ADAM10: variants seen among roughly 807,000 people sequenced by gnomAD.
ADAM10 encodes ADAM metallopeptidase domain 10, also known as disintegrin and metalloproteinase domain-containing protein 10.
A neutral mutation model predicts 90.1 loss-of-function variants in ADAM10; 17 were observed. The ratio of observed to expected loss-of-function variants is 0.19; its 90% CI spans 0.13 to 0.28. The LOEUF (loss-of-function observed/expected upper bound fraction) is 0.28. ADAM10 is among the 10% of genes least tolerant of loss of function. The probability of loss-of-function intolerance (pLI) is 1.00; values close to 1 mark genes in which losing one functional copy is unlikely to be tolerated. For synonymous variants in ADAM10, 310 were observed against 298.6 expected, an observed-to-expected ratio of 1.04 and a Z score of -0.40; for missense variants, 610 against 914.3, an observed-to-expected ratio of 0.67 and a Z score of 4.29.
intron 11 of ADAM10, among the ~76,000 whole-genome samples, chr15:58,617,479 G>C (rs1460363667): frequency 1.3e-5 from 2 of 151,894 alleles, no homozygotes; most frequent in African/African-American, 4.8e-5. Flanking sequence ...GGTAAAATAA[G>C]TAAGAAAAAA....
At chr15:58,680,855 GT>G (rs1897413702) in intron 3 of ADAM10, among the ~76,000 whole-genome samples, 1 of 152,084 alleles carries the variant, frequency 6.6e-6, no homozygotes, top group African/African-American at 2.4e-5. Flanking sequence ...GCCCCTCTCT[GT>G]CCCCCAGGCT....
intron 4 of ADAM10, chr15:58,676,184 T>G: frequency 2.4e-6 from 1 of 416,028 alleles, no homozygotes. Context: ...GTAAAGGCAG[T>G]GAGAATTTAC....
chr15:58,654,090 C>CT (rs1194970388), intron 5 of ADAM10, among the ~76,000 whole-genome samples: 30 of 148,360 alleles, frequency 2.0e-4, no homozygotes, highest in South Asian at 6.4e-4. Flanking sequence ...TTATTTAGGT[C>CT]TTTTTTTTTT....
intron 1 of ADAM10, among the ~76,000 whole-genome samples, chr15:58,722,296 C>T (rs139540516): frequency 6.6e-6 from 1 of 151,798 alleles, no homozygotes; most frequent in African/African-American, 2.4e-5. Context: ...GAGCCAAGAT[C>T]GCACCACTGC....
At chr15:58,674,542 C>A (rs1430984095) in intron 4 of ADAM10, among the ~76,000 whole-genome samples, 1 of 152,200 alleles carries the variant, frequency 6.6e-6, no homozygotes, top group Non-Finnish European at 1.5e-5. Context: ...ATGATACAAA[C>A]AATGCTAGCT....
At chr15:58,720,694 C>T (rs2140821253) in intron 1 of ADAM10, among the ~76,000 whole-genome samples, 1 of 152,270 alleles carries the variant, frequency 6.6e-6, no homozygotes, top group East Asian at 1.9e-4. Flanking sequence ...AGCCACCACG[C>T]CCGGCCTAGC....
At chr15:58,684,303 G>A (rs1897527807) in intron 2 of ADAM10, among the ~76,000 whole-genome samples, 1 of 152,164 alleles carries the variant, frequency 6.6e-6, no homozygotes, top group Non-Finnish European at 1.5e-5. Context: ...CTCAGTGATA[G>A]GTGTCTCTTC....
chr15:58,736,738 T>C (rs1229687847), intron 1 of ADAM10, among the ~76,000 whole-genome samples: 3 of 151,988 alleles, frequency 2.0e-5, no homozygotes, highest in African/African-American at 7.2e-5. Context: ...TTTTCAAGAA[T>C]TAAAAAAAGA....
At position 58,595,715 on chromosome 15, in the gene ADAM10, C is replaced by T. The variant is rs1485692305; in HGVS notation, c.*1832G>A. On this transcript the variant is annotated 3_prime_UTR_variant, in exon 16 of 16. Coordinates refer to ENST00000260408, the MANE Select transcript of ADAM10 (RefSeq NM_001110.4). ...TCCTACCACAGGATAACATTACAAG[C>T]AAAAAATTTACATGTTCCAAAGTCT... The T allele has an allele frequency of 2.0e-5, 3 of 151,974 alleles. No homozygotes were observed. Among genetic ancestry groups the T allele is most frequent in the Admixed American group, 2.0e-4 (3 of 15,262 alleles). The allele number at this position is 151,974 out of a possible 1,614,324, so 9.4% of individuals were successfully genotyped here. A position where few individuals can be genotyped will look rare whatever the true frequency, so the allele number is the denominator to read the frequency against.
chr15:58,734,804 A>G (rs1392208960), intron 1 of ADAM10, among the ~76,000 whole-genome samples: 1 of 152,200 alleles, frequency 6.6e-6, no homozygotes, highest in Admixed American at 6.5e-5. Flanking sequence ...AAGATGGGGA[A>G]AACAAGCAAT....
chr15:58,656,857 A>G (rs1205642263), intron 5 of ADAM10, among the ~76,000 whole-genome samples: 2 of 152,152 alleles, frequency 1.3e-5, no homozygotes, highest in Non-Finnish European at 2.9e-5. Flanking sequence ...AACTCTATTT[A>G]GCACTTCTTG....
chr15:58,638,508 G>A (rs185723080), intron 8 of ADAM10, among the ~76,000 whole-genome samples: 5 of 151,554 alleles, frequency 3.3e-5, no homozygotes, highest in Admixed American at 2.0e-4. Context: ...CCAGCTACTC[G>A]GGAGGCTGAG....
chr15:58,635,288 AAAAAAG>A (rs1181745480), intron 8 of ADAM10, among the ~76,000 whole-genome samples: 17 of 148,668 alleles, frequency 1.1e-4, no homozygotes, highest in African/African-American at 3.7e-4. Flanking sequence ...AAAAAAAAAA[AAAAAAG>A]AAAGAAAGAA....
In ADAM10 at chr15:58,596,177, A is replaced by G. The variant is rs1467434011; in HGVS notation, c.*1370T>C. ...TCCTATGTGAAGTCAGGAAAATCAT[A>G]GCTTTACTTCTAGTTGAAGTGATGT... On this transcript the variant is annotated 3_prime_UTR_variant, in exon 16 of 16. Transcript: ENST00000260408. 1 of 152,158 alleles carries G rather than the reference A, an allele frequency of 6.6e-6. No individual in the cohort carries two copies. The highest frequency in any genetic ancestry group is 1.5e-5 in the Non-Finnish European group (1 of 67,996). 9.4% of individuals were successfully genotyped at this position (152,158 alleles called of 1,614,324 possible).
In ADAM10 at chr15:58,621,408, T is replaced by G. The variant is rs764693343; in HGVS notation, c.1511+63A>C. On this transcript the variant is annotated intron_variant, in intron 11 of 15. Coordinates refer to ENST00000260408, the MANE Select transcript of ADAM10 (RefSeq NM_001110.4). ...GCATCTCTTAATCTCAGTTTTAAAT[T>G]TGTCATAACTGCATTGAGGTAACTT... The G allele has an allele frequency of 4.9e-5, 78 of 1,593,672 alleles. No individual in the cohort carries two copies. The Admixed American group carries it at 7.5e-4, about 15-fold the overall frequency.
chr15:58,657,486 C>T lies in ADAM10; in HGVS notation c.585+7611G>A, dbSNP rs182538267. 2.6e-5 allele frequency among the ~76,000 whole-genome samples: 4 copies of T among 152,298 alleles called. No individual in the cohort carries two copies. In the East Asian group the frequency reaches 7.7e-4, roughly 29 times the overall value. ...ATTCTGTTACTAAGAGACTCTGATG[C>T]ACTCTTCAGTATGTCAAGTGCATTT... On this transcript the variant is annotated intron_variant, in intron 5 of 15. Transcript: ENST00000260408.
intron 2 of ADAM10, among the ~76,000 whole-genome samples, chr15:58,714,326 C>CACACACACACACAG (rs1268922134): frequency 9.9e-5 from 15 of 150,814 alleles, no homozygotes; most frequent in African/African-American, 3.7e-4. Context: ...CACACACACA[C>CACACACACACACAG]AGAAGCTGTG....
intron 5 of ADAM10, among the ~76,000 whole-genome samples, chr15:58,648,815 T>C (rs1896616985): frequency 6.6e-6 from 1 of 152,156 alleles, no homozygotes; most frequent in South Asian, 2.1e-4. Context: ...CTAAACTTTT[T>C]ATCATTATGA....
chr15:58,717,463 AT>A (rs1217036918), intron 2 of ADAM10, 113 bp downstream of exon 2: 2 of 1,341,648 alleles, frequency 1.5e-6, no homozygotes, highest in Non-Finnish European at 2.1e-6. Flanking sequence ...TGGAAATGGA[AT>A]TTCCAAATGA....
Sources: allele counts gnomAD v4.1 joint callset (sites outside exome capture counted in the v4.1 genomes callset), GRCh38; gene constraint gnomAD v4.1.1; transcripts MANE v1.5; gene names NCBI Gene and HGNC (gene_info 2026-07-23, HGNC 2026-07-21).